The following TRAF7 variants were observed in gnomAD, a reference collection of about 807,000 sequenced individuals.
The protein encoded by TRAF7 is TNF receptor associated factor 7.
A neutral mutation model predicts 89.3 loss-of-function variants in TRAF7; 45 were observed. The observed-to-expected ratio is 0.50, with a 90% CI of 0.40 to 0.65. The LOEUF (loss-of-function observed/expected upper bound fraction) is 0.65. Ranked by LOEUF, TRAF7 falls within the 30% of genes least tolerant of loss-of-function variation. The pLI is 0.00. For missense variants in TRAF7, 677 were observed against 918.1 expected, an observed-to-expected ratio of 0.74 and a Z score of 3.39; for synonymous variants, 406 against 369.2, an observed-to-expected ratio of 1.10 and a Z score of -1.14.
In TRAF7 at chr16:2,176,646, G is replaced by T. The variant is rs1215167696; in HGVS notation, c.*72G>T. ...TTTCTGAGCCAGGCTGGCCACATGG[G>T]GTGGTCTCGGGGTTTCTGCCTGCCC... On this transcript the variant is annotated 3_prime_UTR_variant, in exon 21 of 21. Transcript: ENST00000326181. The T allele has an allele frequency of 6.2e-7, 1 of 1,610,370 alleles. No homozygotes were observed. Among genetic ancestry groups the T allele is most frequent in the East Asian group, 2.2e-5 (1 of 44,844 alleles).
At position 2,175,518 on chromosome 16, in the gene TRAF7, A is replaced by C. The variant is rs2141294725; in HGVS notation, c.1522A>C (p.Thr508Pro). ...KAIKVWDIVG[T>P]ELKLKKELTG... ...CCTGCAGGTCTGGGACATCGTGGGC[A>C]CTGAGCTGAAGTTGAAGAAGGAGCT... is the stretch of plus-strand genomic sequence containing the variant. Residue 508 changes from threonine (T) to proline (P), a missense_variant, in exon 17 of 21, where the codon ACT (threonine) becomes CCT (proline). This residue lies in a region of TRAF7 where 160 missense variants were observed against 263.7 expected (regional missense o/e 0.61). Coordinates refer to ENST00000326181, the MANE Select transcript of TRAF7 (RefSeq NM_032271.3). 6.2e-7 allele frequency: 1 copy of C among 1,613,362 alleles called. No individual in the cohort carries two copies. Among genetic ancestry groups the C allele is most frequent in the Non-Finnish European group, 8.5e-7 (1 of 1,179,976 alleles).
intron 2 of TRAF7, 152 bp downstream of exon 2, chr16:2,164,153 T>TGC (rs1567247233): frequency 1.3e-5 from 7 of 553,598 alleles, no homozygotes; most frequent in African/African-American, 9.2e-5. Flanking sequence ...TGTGTGTGTG[T>TGC]GTGTGTGCGC....
chr16:2,173,071 G>A, intron 9 of TRAF7, 111 bp from the exon 10 acceptor site: 1 of 980,776 alleles, frequency 1.0e-6, no homozygotes, highest in Non-Finnish European at 1.5e-6. Context: ...GGTGGGGGCA[G>A]CTGGACCTGG....
chr16:2,170,694 C>T lies in TRAF7; in HGVS notation c.312C>T (p.Arg104=), dbSNP rs1209927783. The change falls in exon 5 of 21, where the codon CGC becomes CGT. Residue 104 remains arginine, a synonymous_variant. Coordinates refer to ENST00000326181, the MANE Select transcript of TRAF7 (RefSeq NM_032271.3). ...SLHSESSMSL[R]STFSLPEEEE... is the part of the protein sequence containing the mutation. ...ACTCAGAGTCCAGCATGTCTCTGCG[C>T]TCCACATTCTCACTGCCCGAGGAGG... is the stretch of plus-strand genomic sequence containing the variant. 5.0e-6 allele frequency: 8 copies of T among 1,607,530 alleles called. No individual in the cohort carries two copies. The African/African-American group carries it at 8.0e-5, about 16-fold the overall frequency.
intron 5 of TRAF7, 82 bp downstream of exon 5, chr16:2,170,812 T>C: frequency 7.6e-7 from 1 of 1,311,204 alleles, no homozygotes; most frequent in Non-Finnish European, 1.1e-6. Flanking sequence ...CCCTCCGCCA[T>C]GCCCGCCCAG....
rs976986158 is a variant in TRAF7 at position 2,163,108 on chromosome 16, C to G, written c.-38-775C>G. Among the ~76,000 whole-genome samples, 1 of 152,150 alleles carries G rather than the reference C, an allele frequency of 6.6e-6. No homozygotes were observed. Among genetic ancestry groups the G allele is most frequent in the African/African-American group, 2.4e-5 (1 of 41,422 alleles). ...GGTGTCCCTGGGCCTGGCCAGCACTCCCAGCACCCACGGAGGGGCCACGTC... is the reference window on the plus strand; with the variant it reads ...GGTGTCCCTGGGCCTGGCCAGCACTGCCAGCACCCACGGAGGGGCCACGTC... On this transcript the variant is annotated intron_variant, in intron 1 of 20. Transcript: ENST00000326181. This position sits in a 1 kb window ranked among gnomAD's most constrained non-coding sequence, Gnocchi z 4.3.
At chr16:2,164,054 C>A in intron 2 of TRAF7, 53 bp downstream of exon 2, 1 of 1,516,160 alleles carries the variant, frequency 6.6e-7, no homozygotes, top group East Asian at 2.3e-5. Flanking sequence ...CCAGCATGCC[C>A]CAGGGATCTG....
chr16:2,176,367 G>T lies in TRAF7; in HGVS notation c.1981G>T (p.Val661Leu). ...VSRGRLFSGAVDSTVKVWTC is the reference protein window; with the variant it reads ...VSRGRLFSGALDSTVKVWTC ...CCGGGGCCGACTCTTCTCAGGGGCTGTGGATAGCACTGTGAAGGTCAGTGC... is the reference window on the plus strand; with the variant it reads ...CCGGGGCCGACTCTTCTCAGGGGCTTTGGATAGCACTGTGAAGGTCAGTGC... Residue 661 changes from valine (V) to leucine (L), a missense_variant, in exon 20 of 21, where the codon GTG becomes TTG. Val to Leu is a conservative substitution (Grantham distance 32). Coordinates refer to ENST00000326181, the MANE Select transcript of TRAF7 (RefSeq NM_032271.3). 6.2e-7 allele frequency: 1 copy of T among 1,607,416 alleles called. No homozygotes were observed.
chr16:2,175,474 G>T, intron 16 of TRAF7, 26 bp from the exon 17 acceptor site: 2 of 1,612,828 alleles, frequency 1.2e-6, no homozygotes, highest in Non-Finnish European at 8.5e-7. Flanking sequence ...TGCCCGCCCA[G>T]CCCACAGTTG....
chr16:2,175,003 G>T, intron 14 of TRAF7, 108 bp from the exon 15 acceptor site: 1 of 1,377,840 alleles, frequency 7.3e-7, no homozygotes, highest in Non-Finnish European at 1.0e-6. Flanking sequence ...TTGGCCCTGG[G>T]CCATGCTGCT....
rs1356413404 is a variant in TRAF7, at chr16:2,172,457, T to C, written c.660-8T>C. The C allele has an allele frequency of 6.2e-7, 1 of 1,610,696 alleles. No individual in the cohort carries two copies. The highest frequency in any genetic ancestry group is 8.5e-7 in the Non-Finnish European group (1 of 1,179,288). ...GCTGAGGCCTCCCCGCATCCCGCCCTGGCACAGGGACCACGAGGGCAGCTG... is the reference window on the plus strand; with the variant it reads ...GCTGAGGCCTCCCCGCATCCCGCCCCGGCACAGGGACCACGAGGGCAGCTG... On this transcript the variant is annotated splice_region_variant and splice_polypyrimidine_tract_variant and intron_variant, in intron 8 of 20. Coordinates refer to ENST00000326181, the MANE Select transcript of TRAF7 (RefSeq NM_032271.3).
Position 2,177,853 on chromosome 16 carries a change from C to T in TRAF7, c.*1279C>T, listed in dbSNP as rs1007432704. The stretch of plus-strand genomic sequence containing the variant: ...TAGGAGAGAAGCACGGAGGAGCCCC[C>T]GGCAGAGCACCCGCCCCCGGGCCCC... On this transcript the variant is annotated 3_prime_UTR_variant, in exon 21 of 21. Transcript: ENST00000326181. 3 of 288,396 alleles carry T rather than the reference C, an allele frequency of 1.0e-5. No individual in the cohort carries two copies. The highest frequency in any genetic ancestry group is 9.8e-5 in the South Asian group (2 of 20,332). The allele number at this position is 288,396 out of a possible 1,614,324, so 17.9% of individuals were successfully genotyped here. A position where few individuals can be genotyped will look rare whatever the true frequency, so the allele number is the denominator to read the frequency against.
chr16:2,165,862 C>G lies in TRAF7; in HGVS notation c.82-17C>G. The G allele has an allele frequency of 6.2e-7, 1 of 1,614,074 alleles. No homozygotes were observed. The highest frequency in any genetic ancestry group is 8.5e-7 in the Non-Finnish European group (1 of 1,179,954). ...GTGTCCCGGAATGAGGCCAGGTCTCCTCCGTCCTCCCTCTAGACCAGAATG... is the reference window on the plus strand; with the variant it reads ...GTGTCCCGGAATGAGGCCAGGTCTCGTCCGTCCTCCCTCTAGACCAGAATG... On this transcript the variant is annotated splice_polypyrimidine_tract_variant and intron_variant, in intron 2 of 20. Coordinates refer to ENST00000326181, the MANE Select transcript of TRAF7 (RefSeq NM_032271.3).
In TRAF7 at chr16:2,163,307, G is replaced by A. The variant is rs541964381; in HGVS notation, c.-38-576G>A. Among the ~76,000 whole-genome samples the A allele has an allele frequency of 5.3e-5, 8 of 152,318 alleles. No homozygotes were observed. The East Asian group carries it at 5.8e-4, about 11-fold the overall frequency. ...TCCTGTGCTTTTTTCCGTGCAGTGC[G>A]GTTTGTGTGGAGTTGGGCTCCGGTG... is the stretch of plus-strand genomic sequence containing the variant. On this transcript the variant is annotated intron_variant, in intron 1 of 20. Transcript: ENST00000326181. The surrounding 1 kb of genome is among the most constrained non-coding windows in gnomAD (Gnocchi z 4.3).
intron 2 of TRAF7, 115 bp downstream of exon 2, chr16:2,164,116 G>A (rs1025528487): frequency 4.2e-6 from 4 of 946,502 alleles, no homozygotes; most frequent in East Asian, 5.3e-5. Context: ...GGGGTCTCAG[G>A]GGAGCTCGGT....
Position 2,176,044 on chromosome 16 carries a change from C to T in TRAF7, c.1747-5C>T, listed in dbSNP as rs2093134447. 1.2e-6 allele frequency: 2 copies of T among 1,607,986 alleles called. No individual in the cohort carries two copies. Among genetic ancestry groups the T allele is most frequent in the Non-Finnish European group, 8.5e-7 (1 of 1,176,486 alleles). On this transcript the variant is annotated splice_polypyrimidine_tract_variant and splice_region_variant and intron_variant, in intron 18 of 20. Transcript: ENST00000326181. ...CTTTGACCTGCCTGTGCCCACCCCT[C>T]CCAGGTGTGGGACATTGAGTCCAAG...
intron 2 of TRAF7, among the ~76,000 whole-genome samples, 193 bp downstream of exon 2, chr16:2,164,194 G>C (rs904976564): frequency 3.3e-5 from 5 of 150,466 alleles, no homozygotes; most frequent in East Asian, 2.0e-4. Flanking sequence ...GCGTGCGTGT[G>C]TGGTTGGGGC....
Position 2,173,564 on chromosome 16 carries a change from C to T in TRAF7, c.1086+10C>T, listed in dbSNP as rs1461558419. On this transcript the variant is annotated intron_variant, in intron 11 of 20. Coordinates refer to ENST00000326181, the MANE Select transcript of TRAF7 (RefSeq NM_032271.3). ...CGCATCCATGTTAAATGTGAGCGGG[C>T]GGGGCTGGAGGGGCTGGGTTGTGAG... 14 of 1,611,976 alleles carry T rather than the reference C, an allele frequency of 8.7e-6. No individual in the cohort carries two copies. The Admixed American group carries it at 1.0e-4, about 12-fold the overall frequency.
chr16:2,165,903 C>A lies in TRAF7; in HGVS notation c.106C>A (p.Pro36Thr), dbSNP rs2093084828. 1.2e-6 allele frequency: 2 copies of A among 1,614,120 alleles called. No homozygotes were observed. Among genetic ancestry groups the A allele is most frequent in the Non-Finnish European group, 1.7e-6 (2 of 1,179,978 alleles). Residue 36 changes from proline (P) to threonine (T), a missense_variant, in exon 3 of 21, where the codon CCC becomes ACC. Transcript: ENST00000326181. ...GACCAGAATGGAAACGACCTTCGGACCCGCCTTTTCAGCCGTCACCACCAT... is the reference window on the plus strand; with the variant it reads ...GACCAGAATGGAAACGACCTTCGGAACCGCCTTTTCAGCCGTCACCACCAT... ...TGTRMETTFGPAFSAVTTITK... is the reference protein window; with the variant it reads ...TGTRMETTFGTAFSAVTTITK...
Sources: allele counts gnomAD v4.1 joint callset (sites outside exome capture counted in the v4.1 genomes callset), GRCh38; gene constraint gnomAD v4.1.1; regional missense constraint gnomAD v4.1.1; non-coding constraint Gnocchi (gnomAD v3.1); transcripts MANE v1.5; gene names NCBI Gene and HGNC (gene_info 2026-07-23, HGNC 2026-07-21).